The following SLC6A5 variants were observed in gnomAD, a reference collection of about 807,000 sequenced individuals.
SLC6A5 encodes sodium- and chloride-dependent glycine transporter 2.
A neutral mutation model predicts 90.5 loss-of-function variants in SLC6A5; 58 were observed. That is an observed-to-expected ratio of 0.64 (90% confidence interval 0.52 to 0.80). The LOEUF is 0.80. Ranked by LOEUF, SLC6A5 falls within the 30% of genes least tolerant of loss-of-function variation. The pLI is 0.00. For synonymous variants in SLC6A5, 427 were observed against 401.4 expected (o/e 1.06, Z -0.76); for missense variants, 1,015 against 1,017.6 (o/e 1.00, Z 0.03).
intron 13 of SLC6A5, among the ~76,000 whole-genome samples, chr11:20,640,429 T>G (rs1194363964): frequency 1.3e-5 from 2 of 152,166 alleles, no homozygotes; most frequent in Non-Finnish European, 1.5e-5. Flanking sequence ...CATAGGTTTC[T>G]TAGTTCTGAA....
intron 12 of SLC6A5, among the ~76,000 whole-genome samples, chr11:20,638,089 C>T (rs1444622285): frequency 1.3e-5 from 2 of 152,104 alleles, no homozygotes; most frequent in African/African-American, 2.4e-5. Flanking sequence ...GAGGGTCAAT[C>T]GAATGCAGAT....
In SLC6A5 at chr11:20,656,103, A is replaced by G. The variant is rs1219246546; in HGVS notation, c.*1235A>G. 1 of 152,240 alleles carries G rather than the reference A, an allele frequency of 6.6e-6. No homozygotes were observed. The highest frequency in any genetic ancestry group is 1.5e-5 in the Non-Finnish European group (1 of 68,032). The allele number at this position is 152,240 out of a possible 1,614,324, so 9.4% of individuals were successfully genotyped here. A position where few individuals can be genotyped will look rare whatever the true frequency, so the allele number is the denominator to read the frequency against. On this transcript the variant is annotated 3_prime_UTR_variant, in exon 16 of 16. Transcript: ENST00000525748. ...GTTCCCTATTCACAGTACTCATTTT[A>G]ACGGCACTCTAATGAGAGCTGATCA...
intron 7 of SLC6A5, among the ~76,000 whole-genome samples, chr11:20,624,522 G>A (rs540142132): frequency 7.9e-5 from 12 of 152,112 alleles, no homozygotes; most frequent in East Asian, 7.7e-4. Flanking sequence ...CCTTGAATCC[G>A]TCCTCATCTC....
chr11:20,617,090 C>T (rs1463994879), intron 6 of SLC6A5, among the ~76,000 whole-genome samples: 7 of 152,210 alleles, frequency 4.6e-5, no homozygotes, highest in African/African-American at 1.4e-4. Flanking sequence ...AGGCAGGCCA[C>T]GATGTCTTCA....
chr11:20,634,626 A>C (rs1853169291), intron 10 of SLC6A5, among the ~76,000 whole-genome samples: 1 of 152,244 alleles, frequency 6.6e-6, no homozygotes, highest in Non-Finnish European at 1.5e-5. Flanking sequence ...CTTTAGTTTA[A>C]TACAGACTTT....
chr11:20,652,696 G>A (rs1853565551), intron 15 of SLC6A5, among the ~76,000 whole-genome samples: 1 of 152,194 alleles, frequency 6.6e-6, no homozygotes, highest in African/African-American at 2.4e-5. Flanking sequence ...TGTGGTGACA[G>A]CTCTGGGGAA....
intron 7 of SLC6A5, among the ~76,000 whole-genome samples, chr11:20,622,144 T>G (rs2133792928): frequency 6.6e-6 from 1 of 152,316 alleles, no homozygotes; most frequent in East Asian, 1.9e-4. Flanking sequence ...GACAATACAA[T>G]GTGGAAACAG....
intron 13 of SLC6A5, among the ~76,000 whole-genome samples, chr11:20,643,248 G>A (rs1590178817): frequency 6.7e-6 from 1 of 149,928 alleles, no homozygotes; most frequent in South Asian, 2.1e-4. Context: ...TTTAGAAAAA[G>A]AACTGAGGCC....
chr11:20,606,389 T>A (rs899050748), intron 3 of SLC6A5, among the ~76,000 whole-genome samples: 2 of 152,046 alleles, frequency 1.3e-5, no homozygotes, highest in Non-Finnish European at 2.9e-5. Context: ...GGAGGAAGCA[T>A]TTGAGTTGAC....
At chr11:20,652,579 T>A in intron 15 of SLC6A5, 123 bp downstream of exon 15, 4 of 995,194 alleles carry the variant, frequency 4.0e-6, no homozygotes, top group South Asian at 3.8e-5. Flanking sequence ...GATGAAGCGA[T>A]TACAGTTGCC....
At chr11:20,643,478 T>C (rs1013499091) in intron 13 of SLC6A5, among the ~76,000 whole-genome samples, 2 of 152,120 alleles carry the variant, frequency 1.3e-5, no homozygotes, top group African/African-American at 4.8e-5. Context: ...CAACCTGGAG[T>C]GTCCTTGCGT....
At chr11:20,606,838 T>C (rs1852591411) in intron 3 of SLC6A5, among the ~76,000 whole-genome samples, 169 bp from the exon 4 acceptor site, 1 of 152,196 alleles carries the variant, frequency 6.6e-6, no homozygotes, top group African/African-American at 2.4e-5. Flanking sequence ...CTCTTAAATA[T>C]CTGTGGGTGA....
Position 20,628,030 on chromosome 11 carries a change from G to C in SLC6A5, c.1446G>C (p.Trp482Cys). Residue 482 changes from tryptophan (W) to cysteine (C), a missense_variant, in exon 9 of 16, where the codon TGG becomes TGC. Coordinates refer to ENST00000525748, the MANE Select transcript of SLC6A5 (RefSeq NM_004211.5). ...TTTTCTTCTCTTTATCTGCTGCATG[G>C]GGAGGCCTGATCACTCTCTCTTCTT... is the stretch of plus-strand genomic sequence containing the variant. ...TQIFFSLSAA[W>C]GGLITLSSYN... 1.9e-6 allele frequency: 3 copies of C among 1,614,118 alleles called. No individual in the cohort carries two copies. The highest frequency in any genetic ancestry group is 1.1e-5 in the South Asian group (1 of 91,068).
At position 20,600,247 on chromosome 11, in the gene SLC6A5, A is replaced by T. The variant is rs2133766078; in HGVS notation, c.3+572A>T. ...AGTGAATTGGGAAAAAGCGAATAAA[A>T]ATTAGTCATGAGTTTTGGTACTCAA... On this transcript the variant is annotated intron_variant, in intron 1 of 15. Transcript: ENST00000525748. 1.3e-5 allele frequency among the ~76,000 whole-genome samples: 2 copies of T among 152,078 alleles called. 1 individual carries two copies. The highest frequency in any genetic ancestry group is 6.8e-3 in the Middle Eastern group (2 of 294).
chr11:20,631,939 G>T (rs1483370902), intron 10 of SLC6A5, among the ~76,000 whole-genome samples: 1 of 152,182 alleles, frequency 6.6e-6, no homozygotes, highest in Non-Finnish European at 1.5e-5. Flanking sequence ...TGCACCAGGG[G>T]CCTCAAAGAG....
At position 20,608,572 on chromosome 11, in the gene SLC6A5, T is replaced by C. The variant is rs3781738; in HGVS notation, c.985+920T>C. On this transcript the variant is annotated intron_variant, in intron 5 of 15. Transcript: ENST00000525748. ...GGAGTGTGATACAGTTGCAGAAGCA[T>C]ATAACTCTACAAATAAAAGGTGCTA... Among the ~76,000 whole-genome samples the C allele has an allele frequency of 2.0e-5, 3 of 152,314 alleles. No individual in the cohort carries two copies. The East Asian group carries it at 5.8e-4, about 29-fold the overall frequency.
intron 5 of SLC6A5, among the ~76,000 whole-genome samples, chr11:20,613,650 T>A (rs1852732201): frequency 7.8e-6 from 1 of 128,598 alleles, no homozygotes; most frequent in Admixed American, 8.6e-5. Context: ...GACTAAATAA[T>A]TCTTTTTTTT....
At chr11:20,637,074 C>T (rs1381711735) in intron 11 of SLC6A5, 98 bp from the exon 12 acceptor site, 1 of 1,329,926 alleles carries the variant, frequency 7.5e-7, no homozygotes, top group South Asian at 1.2e-5. Context: ...AAACCTAACA[C>T]AAATACAACT....
At chr11:20,623,843 A>G (rs1429566274) in intron 7 of SLC6A5, among the ~76,000 whole-genome samples, 1 of 151,662 alleles carries the variant, frequency 6.6e-6, no homozygotes, top group Non-Finnish European at 1.5e-5. Context: ...TCCTTGACCA[A>G]CTTCTCCCTG....
Sources: gnomAD v4.1 joint callset for allele counts (sites outside exome capture counted in the v4.1 genomes callset) on GRCh38, gnomAD v4.1.1 for gene constraint, MANE v1.5 for transcripts, NCBI Gene and HGNC (gene_info 2026-07-23, HGNC 2026-07-21) for gene names.